Variants in DIP2C observed in about 807,000 individuals in gnomAD.
The protein encoded by DIP2C is disco-interacting protein 2 homolog C.
DIP2C carries 33 observed loss-of-function variants against 192.4 expected under a neutral mutation model. The observed-to-expected ratio is 0.17, with a 90% CI of 0.13 to 0.23. The LOEUF (loss-of-function observed/expected upper bound fraction) is 0.23, where lower values mean the gene tolerates loss of function less well. DIP2C is among the 10% of genes least tolerant of loss of function. DIP2C has a pLI of 1.00. For missense variants in DIP2C, 1,537 were observed against 2,110.1 expected, an observed-to-expected ratio of 0.73 and a Z score of 5.32; for synonymous variants, 979 against 864.1, an observed-to-expected ratio of 1.13 and a Z score of -2.33.
chr10:576,974 T>C (rs1050577914), intron 1 of DIP2C, among the ~76,000 whole-genome samples: 2 of 152,166 alleles, frequency 1.3e-5, no homozygotes, highest in African/African-American at 4.8e-5. Flanking sequence ...CCACATTCCA[T>C]TTACTTAAAA....
chr10:441,075 C>T (rs1488167699), intron 3 of DIP2C, 79 bp from the exon 4 acceptor site: 3 of 1,478,624 alleles, frequency 2.0e-6, no homozygotes, highest in Admixed American at 4.8e-5. Flanking sequence ...TCTGTCCCTG[C>T]AGCACAGTTC....
intron 1 of DIP2C, among the ~76,000 whole-genome samples, chr10:557,795 GGGCA>G (rs1360437859): frequency 5.6e-5 from 4 of 71,966 alleles, no homozygotes; most frequent in Non-Finnish European, 8.1e-5. Context: ...GCGGGGGCAG[GGGCA>G]GGCAGGCAGG....
At chr10:298,800 G>A (rs1955880846) in intron 32 of DIP2C, among the ~76,000 whole-genome samples, 1 of 152,178 alleles carries the variant, frequency 6.6e-6, no homozygotes, top group Non-Finnish European at 1.5e-5. Context: ...CTGTCACTGG[G>A]CTGCACCTCC....
chr10:419,775 C>T (rs1658438568), intron 5 of DIP2C, among the ~76,000 whole-genome samples: 1 of 152,138 alleles, frequency 6.6e-6, no homozygotes, highest in Non-Finnish European at 1.5e-5. Flanking sequence ...TTTATTATTT[C>T]TCTTAGTACA....
chr10:598,581 ACCCCTCCCCAC>A (rs1851861423), intron 1 of DIP2C, among the ~76,000 whole-genome samples: 1 of 132,958 alleles, frequency 7.5e-6, no homozygotes, highest in African/African-American at 2.9e-5. Context: ...TCCTCACGCC[ACCCCTCCCCAC>A]CCCCTCCTAG....
chr10:432,591 A>G (rs1249645714), intron 4 of DIP2C, among the ~76,000 whole-genome samples: 1 of 152,184 alleles, frequency 6.6e-6, no homozygotes, highest in Admixed American at 6.5e-5. Context: ...AAAGGCTTAT[A>G]GATTTTCTCT....
rs914238155 is a variant in DIP2C, at chr10:363,953, C to G, written c.2477+421G>C. Among the ~76,000 whole-genome samples, 3 of 152,152 alleles carry G rather than the reference C, an allele frequency of 2.0e-5. No homozygotes were observed. Among genetic ancestry groups the G allele is most frequent in the African/African-American group, 7.2e-5 (3 of 41,432 alleles). On this transcript the variant is annotated intron_variant, in intron 20 of 36. Coordinates refer to ENST00000280886, the MANE Select transcript of DIP2C (RefSeq NM_014974.3). This position sits in a 1 kb window ranked among gnomAD's most constrained non-coding sequence, Gnocchi z 5.4. Reference sequence around the variant, plus strand: ...TCATCACGGAGCCTCCACTGTGCACCAGGCAAGGCAGGGAGAAGAAAACTG... The same window carrying G: ...TCATCACGGAGCCTCCACTGTGCACGAGGCAAGGCAGGGAGAAGAAAACTG...
chr10:467,658 A>T (rs943337117), intron 3 of DIP2C, among the ~76,000 whole-genome samples: 1 of 152,028 alleles, frequency 6.6e-6, no homozygotes, highest in African/African-American at 2.4e-5. Flanking sequence ...TTGCAGGGAC[A>T]TGGATGAAGC....
rs76347954 is a variant in DIP2C, at chr10:386,147, G to A, written c.1663-1508C>T. ...CAGCCGGAAAGTTGGGTGTTCTAAT[G>A]ACGAGAGTGACTAACGGCACCAGTG... On this transcript the variant is annotated intron_variant, in intron 14 of 36. Coordinates refer to ENST00000280886, the MANE Select transcript of DIP2C (RefSeq NM_014974.3). 3.9e-3 allele frequency among the ~76,000 whole-genome samples: 595 copies of A among 152,312 alleles called. 2 individuals are homozygous for A. Among genetic ancestry groups the A allele is most frequent in the Middle Eastern group, 0.014 (4 of 294 alleles).
chr10:581,851 G>A (rs1850686326), intron 1 of DIP2C, among the ~76,000 whole-genome samples: 1 of 152,050 alleles, frequency 6.6e-6, no homozygotes, highest in Non-Finnish European at 1.5e-5. Flanking sequence ...AAAATCTACT[G>A]ACATCTTAGC....
At chr10:349,940 A>G (rs1731768858) in intron 24 of DIP2C, among the ~76,000 whole-genome samples, 1 of 152,240 alleles carries the variant, frequency 6.6e-6, no homozygotes, top group African/African-American at 2.4e-5. Flanking sequence ...CACACCCTAC[A>G]GGAATGAAAA....
intron 2 of DIP2C, chr10:484,997 T>A (rs904392407): frequency 3.9e-6 from 6 of 1,531,498 alleles, no homozygotes; most frequent in South Asian, 2.4e-5. Flanking sequence ...TAGTTTTTTT[T>A]AAATTTGTTA....
intron 9 of DIP2C, among the ~76,000 whole-genome samples, chr10:408,022 CTA>C (rs1349480904): frequency 6.6e-6 from 1 of 152,158 alleles, no homozygotes; most frequent in Non-Finnish European, 1.5e-5. Flanking sequence ...GGTGTCTTCT[CTA>C]TATTTTCTTC....
intron 14 of DIP2C, among the ~76,000 whole-genome samples, chr10:386,876 C>T (rs1345525550): frequency 6.6e-6 from 1 of 152,136 alleles, no homozygotes; most frequent in Non-Finnish European, 1.5e-5. Context: ...AGTCATGCTC[C>T]ACGTAGCTTT....
chr10:548,846 C>T lies in DIP2C; in HGVS notation c.86-62316G>A, dbSNP rs187765593. On this transcript the variant is annotated intron_variant, in intron 1 of 36. Transcript: ENST00000280886. Reference sequence around the variant, plus strand: ...AGAACCATTGTGTATGTTTAAAGCACGGTACAAATATAGCACATTTCCCAA... The same window carrying T: ...AGAACCATTGTGTATGTTTAAAGCATGGTACAAATATAGCACATTTCCCAA... Among the ~76,000 whole-genome samples, 496 of 126,754 alleles carry T rather than the reference C, an allele frequency of 3.9e-3. 1 individual carries two copies. The highest frequency in any genetic ancestry group is 0.016 in the Middle Eastern group (3 of 184). The allele number at this position is 126,754 out of a possible 152,430, so 83.2% of individuals were successfully genotyped here. A position where few individuals can be genotyped will look rare whatever the true frequency, so the allele number is the denominator to read the frequency against.
chr10:572,578 A>T (rs1343498339), intron 1 of DIP2C, among the ~76,000 whole-genome samples: 1 of 152,216 alleles, frequency 6.6e-6, no homozygotes, highest in Non-Finnish European at 1.5e-5. Context: ...TTTTAATGTA[A>T]TACTTGTGAA....
chr10:651,468 T>C lies in DIP2C; in HGVS notation c.85+38026A>G. 1.6e-6 allele frequency: 1 copy of C among 643,800 alleles called. No homozygotes were observed. The highest frequency in any genetic ancestry group is 2.2e-5 in the Admixed American group (1 of 45,852). The allele number at this position is 643,800 out of a possible 1,614,324, so 39.9% of individuals were successfully genotyped here. A position where few individuals can be genotyped will look rare whatever the true frequency, so the allele number is the denominator to read the frequency against. On this transcript the variant is annotated intron_variant, in intron 1 of 36. Coordinates refer to ENST00000280886, the MANE Select transcript of DIP2C (RefSeq NM_014974.3). The surrounding 1 kb of genome is among the most constrained non-coding windows in gnomAD (Gnocchi z 4.1). Reference sequence around the variant, plus strand: ...AAAAATAGCAGAAGACTTAGTAGAATGTATGAGTAACAATTACAATTATAT... The same window carrying C: ...AAAAATAGCAGAAGACTTAGTAGAACGTATGAGTAACAATTACAATTATAT...
At chr10:398,875 C>T (rs1964194109) in intron 10 of DIP2C, among the ~76,000 whole-genome samples, 1 of 152,168 alleles carries the variant, frequency 6.6e-6, no homozygotes, top group South Asian at 2.1e-4. Context: ...AACACCCTTG[C>T]TTTACTGACC....
chr10:295,224 G>A (rs1216401499), intron 32 of DIP2C, among the ~76,000 whole-genome samples: 1 of 152,048 alleles, frequency 6.6e-6, no homozygotes, highest in Non-Finnish European at 1.5e-5. Flanking sequence ...TACTAGGGAG[G>A]CAAAAGTCAA....
Sources: allele counts gnomAD v4.1 joint callset (sites outside exome capture counted in the v4.1 genomes callset), GRCh38; gene constraint gnomAD v4.1.1; non-coding constraint Gnocchi (gnomAD v3.1); transcripts MANE v1.5; gene names NCBI Gene and HGNC (gene_info 2026-07-23, HGNC 2026-07-21).